Variants in CLCN7 observed in about 807,000 individuals in gnomAD.
The protein encoded by CLCN7 is Cl-/H+ antiporter 7, also known as H(+)/Cl(-) exchange transporter 7.
A neutral mutation model predicts 102.1 loss-of-function variants in CLCN7; 60 were observed. The ratio of observed to expected loss-of-function variants is 0.59; its 90% CI spans 0.48 to 0.73. CLCN7 has a LOEUF of 0.73. Ranked by LOEUF, CLCN7 falls within the 30% of genes least tolerant of loss-of-function variation. CLCN7 has a pLI of 0.00. For synonymous variants in CLCN7, 560 were observed against 490.5 expected (o/e 1.14, Z -1.87); for missense variants, 962 against 1,125.7 (o/e 0.85, Z 2.08).
At chr16:1,455,664 C>A in intron 11 of CLCN7, 67 bp downstream of exon 11, 1 of 1,539,110 alleles carries the variant, frequency 6.5e-7, no homozygotes, top group South Asian at 1.1e-5. Flanking sequence ...CCAAGGTGGA[C>A]CCCATGGTGG....
chr16:1,446,135 A>G lies in CLCN7; in HGVS notation c.*496T>C, dbSNP rs60516531. ...ACGAGTCCGTGCCTCAGGCCCAGGG[A>G]CCACAGGCCGTCTGCTCATGGCTGA... On this transcript the variant is annotated 3_prime_UTR_variant, in exon 25 of 25. Transcript: ENST00000382745. The G allele has an allele frequency of 2.6e-3, 1,574 of 597,374 alleles. 23 individuals are homozygous for G. Among genetic ancestry groups the G allele is most frequent in the African/African-American group, 0.026 (1,375 of 53,820 alleles). The allele number at this position is 597,374 out of a possible 1,614,324, so 37.0% of individuals were successfully genotyped here.
At chr16:1,447,133 A>G in intron 23 of CLCN7, 47 bp from the exon 24 acceptor site, 1 of 1,528,882 alleles carries the variant, frequency 6.5e-7, no homozygotes, top group Non-Finnish European at 8.8e-7. Context: ...CAGCAGAGGC[A>G]GGCGGGACCC....
chr16:1,461,516 C>G, intron 3 of CLCN7, 46 bp from the exon 4 acceptor site: 1 of 1,600,430 alleles, frequency 6.2e-7, no homozygotes, highest in Admixed American at 1.7e-5. Flanking sequence ...CGAACCCACG[C>G]TCTGGGTGCG....
At chr16:1,448,657 C>A in intron 20 of CLCN7, 24 bp downstream of exon 20, 2 of 1,611,784 alleles carry the variant, frequency 1.2e-6, no homozygotes, top group Non-Finnish European at 1.7e-6. Context: ...CCCTCCCCAC[C>A]CACAGGTGTC....
chr16:1,453,512 C>A (rs746283649), intron 14 of CLCN7, among the ~76,000 whole-genome samples: 2 of 152,222 alleles, frequency 1.3e-5, no homozygotes, highest in African/African-American at 4.8e-5. Flanking sequence ...AGGACAGCTG[C>A]GGTTGCTACC....
chr16:1,459,164 G>A lies in CLCN7; in HGVS notation c.618C>T (p.Ile206=). 6.2e-7 allele frequency: 1 copy of A among 1,613,310 alleles called. No homozygotes were observed. Among genetic ancestry groups the A allele is most frequent in the Non-Finnish European group, 8.5e-7 (1 of 1,179,924 alleles). The change falls in exon 7 of 25, where the codon ATC becomes ATT. Residue 206 remains isoleucine, a synonymous_variant. Coordinates refer to ENST00000382745, the MANE Select transcript of CLCN7 (RefSeq NM_001287.6). ...CGTTGAGGAAGCACTTGATCTGGGGGATTCCGCTGCCAGCAGCCACCGGCT... is the reference window on the plus strand; with the variant it reads ...CGTTGAGGAAGCACTTGATCTGGGGAATTCCGCTGCCAGCAGCCACCGGCT... ...FIEPVAAGSG[I]PQIKCFLNGV...
intron 16 of CLCN7, 150 bp downstream of exon 16, chr16:1,451,473 G>A (rs1428863935): frequency 3.0e-6 from 2 of 661,626 alleles, no homozygotes; most frequent in Admixed American, 4.6e-5. Flanking sequence ...CCAAGTGCTG[G>A]GATTACAGGA....
Position 1,460,528 on chromosome 16 carries a change from C to G in CLCN7, c.485-1G>C. On this transcript the variant is annotated splice_acceptor_variant, in intron 5 of 24. Coordinates refer to ENST00000382745, the MANE Select transcript of CLCN7 (RefSeq NM_001287.6). LOFTEE classifies it high-confidence loss of function. ...CCCTTCTCTGTGAACTTGTCGATAT[C>G]TGGGGCTCATCAAGGAGGGCTGGCT... 6.2e-7 allele frequency: 1 copy of G among 1,611,144 alleles called. No homozygotes were observed. The highest frequency in any genetic ancestry group is 8.5e-7 in the Non-Finnish European group (1 of 1,177,848).
At chr16:1,460,782 T>C (rs747026563) in intron 5 of CLCN7, 34 bp downstream of exon 5, 1 of 1,613,570 alleles carries the variant, frequency 6.2e-7, no homozygotes, top group Non-Finnish European at 8.5e-7. Flanking sequence ...CACGCCCCCC[T>C]CCCAAGCTGC....
At chr16:1,473,717 G>A (rs558252830) in intron 1 of CLCN7, among the ~76,000 whole-genome samples, 72 of 152,042 alleles carry the variant, frequency 4.7e-4, no homozygotes, top group African/African-American at 1.7e-3. Context: ...TAAAGGACTA[G>A]ACAAGAGAAA....
rs1366250568 is a variant in CLCN7 at position 1,459,177 on chromosome 16, G to A, written c.605C>T (p.Ala202Val). 23 of 1,613,196 alleles carry A rather than the reference G, an allele frequency of 1.4e-5. No individual in the cohort carries two copies. Among genetic ancestry groups the A allele is most frequent in the Non-Finnish European group, 1.9e-5 (23 of 1,179,890 alleles). The stretch of plus-strand genomic sequence containing the variant: ...CTTGATCTGGGGGATTCCGCTGCCA[G>A]CAGCCACCGGCTGAAAGAGGGGAAG... ...VIVAFIEPVA[A>V]GSGIPQIKCF... The change falls in exon 7 of 25, where the codon GCT (alanine) becomes GTT (valine). Residue 202 changes from alanine (A) to valine (V), a missense_variant. By Grantham distance (64) the Ala-to-Val change is moderately conservative (BLOSUM62 0). Transcript: ENST00000382745.
chr16:1,465,411 G>A (rs113627664), intron 1 of CLCN7, 73 bp from the exon 2 acceptor site: 42 of 1,376,366 alleles, frequency 3.1e-5, no homozygotes, highest in African/African-American at 3.0e-4. Context: ...CACTCCCGCC[G>A]CCGCACCCTG....
At chr16:1,472,528 G>A (rs2039091799) in intron 1 of CLCN7, 1 of 152,136 alleles carries the variant, frequency 6.6e-6, no homozygotes, top group Admixed American at 6.6e-5. Context: ...ACCGTGCACA[G>A]CCGGGAATAC....
intron 2 of CLCN7, among the ~76,000 whole-genome samples, chr16:1,462,665 CAAAAA>C (rs67969666): frequency 8.3e-5 from 3 of 36,180 alleles, no homozygotes; most frequent in African/African-American, 2.4e-4. Flanking sequence ...AAAAAAAAGC[CAAAAA>C]AAAAAAAAAA....
rs562405357 is a variant in CLCN7 at position 1,457,961 on chromosome 16, G to A, written c.676-205C>T. Among the ~76,000 whole-genome samples the A allele has an allele frequency of 2.2e-4, 34 of 152,302 alleles. No individual in the cohort carries two copies. Among genetic ancestry groups the A allele is most frequent in the African/African-American group, 6.7e-4 (28 of 41,588 alleles). ...CCAAGCGTCCCCCGCACTCACTCGG[G>A]GGACCTGCCCTCTGTGGCCTCAGCA... On this transcript the variant is annotated intron_variant, in intron 7 of 24. Transcript: ENST00000382745. This position sits in a 1 kb window ranked among gnomAD's most constrained non-coding sequence, Gnocchi z 5.4.
Position 1,447,063 on chromosome 16 carries a change from G to A in CLCN7, c.2274C>T (p.Phe758=). Residue 758 remains phenylalanine, a synonymous_variant, in exon 24 of 25, where the codon TTC becomes TTT. Coordinates refer to ENST00000382745, the MANE Select transcript of CLCN7 (RefSeq NM_001287.6). ...VPQEASLPRV[F]KLFRALGLRH... is the part of the protein sequence containing the mutation. ...GCAGGCCCAGGGCCCGGAACAGCTTGAACACCCGTGGGAGCGACGCCTCCT... is the reference window on the plus strand; with the variant it reads ...GCAGGCCCAGGGCCCGGAACAGCTTAAACACCCGTGGGAGCGACGCCTCCT... The A allele has an allele frequency of 6.2e-7, 1 of 1,602,194 alleles. No homozygotes were observed. Among genetic ancestry groups the A allele is most frequent in the Non-Finnish European group, 8.5e-7 (1 of 1,178,292 alleles).
At position 1,457,913 on chromosome 16, in the gene CLCN7, G is replaced by A. The variant is rs937363929; in HGVS notation, c.676-157C>T. Among the ~76,000 whole-genome samples the A allele has an allele frequency of 6.6e-5, 10 of 152,166 alleles. No homozygotes were observed. The highest frequency in any genetic ancestry group is 8.8e-5 in the Non-Finnish European group (6 of 68,012). On this transcript the variant is annotated intron_variant, in intron 7 of 24. Coordinates refer to ENST00000382745, the MANE Select transcript of CLCN7 (RefSeq NM_001287.6). This position sits in a 1 kb window ranked among gnomAD's most constrained non-coding sequence, Gnocchi z 5.4. ...CACCCCCAGGCTGGGTCTCCCCATGGCCACAGTGGAGCTAAACAGCAGCCA... is the reference window on the plus strand; with the variant it reads ...CACCCCCAGGCTGGGTCTCCCCATGACCACAGTGGAGCTAAACAGCAGCCA...
chr16:1,459,110 G>T lies in CLCN7; in HGVS notation c.672C>A (p.Leu224=). The change falls in exon 7 of 25, where the codon CTC becomes CTA. Residue 224 remains leucine, a synonymous_variant. Transcript: ENST00000382745. ...NGVKIPHVVR[L]KTLVIKVSGV... ...GCCAGGGCCACCGCACCCTCACCTT[G>T]AGCCGCACCACGTGGGGGATCTTCA... The T allele has an allele frequency of 1.9e-6, 3 of 1,610,226 alleles. No individual in the cohort carries two copies. Among genetic ancestry groups the T allele is most frequent in the Non-Finnish European group, 2.5e-6 (3 of 1,177,614 alleles).
intron 1 of CLCN7, 45 bp downstream of exon 1, chr16:1,474,789 C>T: frequency 7.9e-7 from 1 of 1,263,374 alleles, no homozygotes; most frequent in Non-Finnish European, 1.0e-6. Flanking sequence ...GGCTGCGGGG[C>T]GCACGAGGGC....
Sources: gnomAD v4.1 joint callset for allele counts (sites outside exome capture counted in the v4.1 genomes callset) on GRCh38, gnomAD v4.1.1 for gene constraint, Gnocchi (gnomAD v3.1) non-coding constraint, MANE v1.5 for transcripts, NCBI Gene and HGNC (gene_info 2026-07-23, HGNC 2026-07-21) for gene names.